Variants in HFM1 observed in about 807,000 individuals in gnomAD.
HFM1 encodes the protein helicase for meiosis 1, also known as probable ATP-dependent DNA helicase HFM1.
A neutral mutation model predicts 192.1 loss-of-function variants in HFM1; 169 were observed. The ratio of observed to expected loss-of-function variants is 0.88; its 90% CI spans 0.78 to 1.00. HFM1 has a LOEUF of 1.00. HFM1 is among the 50% of genes least tolerant of loss of function. The pLI is 0.00. For missense variants in HFM1, 1,661 were observed against 1,668.0 expected (o/e 1.00, Z 0.07); for synonymous variants, 525 against 537.8 (o/e 0.98, Z 0.33).
At chr1:91,311,182 T>G (rs1293801517) in intron 30 of HFM1, among the ~76,000 whole-genome samples, 1 of 152,128 alleles carries the variant, frequency 6.6e-6, no homozygotes, top group East Asian at 1.9e-4. Flanking sequence ...TCTTGTTACG[T>G]TTTAGCAAAG....
chr1:91,276,374 T>C (rs1003327163), intron 32 of HFM1, among the ~76,000 whole-genome samples: 2 of 152,212 alleles, frequency 1.3e-5, no homozygotes, highest in Non-Finnish European at 2.9e-5. Context: ...AATAAGACTG[T>C]CTTAATCGTC....
At chr1:91,318,219 C>G (rs1179403556) in intron 25 of HFM1, among the ~76,000 whole-genome samples, 1 of 152,148 alleles carries the variant, frequency 6.6e-6, no homozygotes, top group Non-Finnish European at 1.5e-5. Flanking sequence ...AGCCAATCCC[C>G]ACTTCACCCC....
intron 20 of HFM1, among the ~76,000 whole-genome samples, chr1:91,341,528 T>C (rs1345067011): frequency 6.6e-6 from 1 of 151,936 alleles, no homozygotes; most frequent in African/African-American, 2.4e-5. Context: ...CTAGAGGAAC[T>C]AGAAAAGCAA....
chr1:91,278,135 C>G (rs1395925249), intron 30 of HFM1, among the ~76,000 whole-genome samples: 1 of 150,926 alleles, frequency 6.6e-6, no homozygotes, highest in African/African-American at 2.4e-5. Flanking sequence ...TTTGATGGTA[C>G]TGCTGACAGA....
intron 30 of HFM1, among the ~76,000 whole-genome samples, chr1:91,294,582 C>A (rs184512724): frequency 3.9e-5 from 6 of 152,310 alleles, no homozygotes; most frequent in Admixed American, 1.3e-4. Flanking sequence ...TTGTCTATGG[C>A]TGCTTTTGGG....
chr1:91,395,535 T>C (rs1663554865), intron 3 of HFM1, among the ~76,000 whole-genome samples: 1 of 152,190 alleles, frequency 6.6e-6, no homozygotes, highest in Admixed American at 6.5e-5. Flanking sequence ...AGGGTCCCAC[T>C]ATGTTGCCCA....
chr1:91,336,242 T>C (rs112877493), intron 20 of HFM1, among the ~76,000 whole-genome samples: 1 of 144,054 alleles, frequency 6.9e-6, no homozygotes, highest in African/African-American at 2.6e-5. Context: ...CTCCCTCCCT[T>C]CCTTCCTCCC....
chr1:91,265,001 G>T (rs1665612338), intron 36 of HFM1, among the ~76,000 whole-genome samples: 1 of 152,058 alleles, frequency 6.6e-6, no homozygotes, highest in Non-Finnish European at 1.5e-5. Context: ...TTTCTGAAAT[G>T]TTTTAAAAAT....
Position 91,380,960 on chromosome 1 carries a change from GA to G in HFM1, c.824del (p.Phe275SerfsTer26). 1 of 1,459,286 alleles carries G rather than the reference GA, an allele frequency of 6.9e-7. No individual in the cohort carries two copies. The highest frequency in any genetic ancestry group is 1.2e-5 in the South Asian group (1 of 86,408). The allele number at this position is 1,459,286 out of a possible 1,614,324, so 90.4% of individuals were successfully genotyped here. A position where few individuals can be genotyped will look rare whatever the true frequency, so the allele number is the denominator to read the frequency against. The part of the protein sequence containing the change: ...TEIPAKFRSI[F>X]KEFPYFNYIQ... The stretch of plus-strand genomic sequence containing the variant: ...TATAGTTGAAATATGGAAATTCTTT[GA>G]AAATACTTCTAAATTTTGCCGCTTA... On this transcript the variant is annotated frameshift_variant, in exon 7 of 39. Coordinates refer to ENST00000370425, the MANE Select transcript of HFM1 (RefSeq NM_001017975.6). LOFTEE classifies it high-confidence loss of function.
At position 91,299,681 on chromosome 1, in the gene HFM1, A is replaced by C. The variant is rs200150154; in HGVS notation, c.3391+13668T>G. Among the ~76,000 whole-genome samples, 219 of 152,344 alleles carry C rather than the reference A, an allele frequency of 1.4e-3. 3 individuals are homozygous for C. The East Asian group carries it at 0.023, about 16-fold the overall frequency. ...AAACTGAACATCCTGCTCCTGAATG[A>C]CTACTGGGTACATAACGAAATGAAG... On this transcript the variant is annotated intron_variant, in intron 30 of 38. Coordinates refer to ENST00000370425, the MANE Select transcript of HFM1 (RefSeq NM_001017975.6).
At chr1:91,290,526 C>A (rs965295081) in intron 30 of HFM1, among the ~76,000 whole-genome samples, 5 of 152,074 alleles carry the variant, frequency 3.3e-5, no homozygotes, top group African/African-American at 1.2e-4. Flanking sequence ...ATGCACCCAA[C>A]ACAGGAGCAC....
Position 91,316,532 on chromosome 1 carries a change from A to G in HFM1, c.2813-56T>C, listed in dbSNP as rs557154188. 33 of 695,568 alleles carry G rather than the reference A, an allele frequency of 4.7e-5. No homozygotes were observed. The Admixed American group carries it at 5.5e-4, about 12-fold the overall frequency. The allele number at this position is 695,568 out of a possible 1,614,324, so 43.1% of individuals were successfully genotyped here. A position where few individuals can be genotyped will look rare whatever the true frequency, so the allele number is the denominator to read the frequency against. On this transcript the variant is annotated intron_variant, in intron 25 of 38. Coordinates refer to ENST00000370425, the MANE Select transcript of HFM1 (RefSeq NM_001017975.6). ...AAATAATGCACTTTAAATAAAACAT[A>G]TATTTAAATATTTAACAACTAAATT...
intron 30 of HFM1, among the ~76,000 whole-genome samples, chr1:91,281,207 A>G (rs917230537): frequency 2.6e-5 from 4 of 152,158 alleles, no homozygotes; most frequent in Non-Finnish European, 4.4e-5. Context: ...CAGAGAATAG[A>G]CTGATTTGAG....
chr1:91,338,960 G>C, intron 20 of HFM1: 1 of 455,836 alleles, frequency 2.2e-6, no homozygotes, highest in Admixed American at 2.3e-5. Context: ...TTAACCTCGA[G>C]GGGCCAGCAA....
chr1:91,373,054 G>A (rs1287431872), intron 13 of HFM1, among the ~76,000 whole-genome samples: 1 of 151,924 alleles, frequency 6.6e-6, no homozygotes, highest in African/African-American at 2.4e-5. Context: ...TTAAATGGAA[G>A]GAAAAGTGTC....
chr1:91,328,734 G>A (rs1049141801), intron 20 of HFM1: 3 of 1,609,184 alleles, frequency 1.9e-6, no homozygotes, highest in Non-Finnish European at 2.5e-6. Flanking sequence ...CAGGCTGCTG[G>A]GGCCGAGCAG....
At chr1:91,286,998 T>A (rs574449559) in intron 30 of HFM1, among the ~76,000 whole-genome samples, 1 of 151,916 alleles carries the variant, frequency 6.6e-6, no homozygotes, top group Non-Finnish European at 1.5e-5. Flanking sequence ...CGCACCTGGC[T>A]CAGAGGGTCC....
intron 13 of HFM1, among the ~76,000 whole-genome samples, chr1:91,364,000 A>G (rs1658892330): frequency 1.3e-5 from 2 of 152,172 alleles, no homozygotes; most frequent in African/African-American, 2.4e-5. Context: ...ACACATGGAC[A>G]TATGGAGGGG....
intron 35 of HFM1, among the ~76,000 whole-genome samples, chr1:91,266,747 T>C (rs1309367577): frequency 1.3e-5 from 2 of 152,158 alleles, no homozygotes; most frequent in African/African-American, 2.4e-5. Context: ...ACACATTGCC[T>C]ATTAACTTGC....
Sources: allele counts gnomAD v4.1 joint callset (sites outside exome capture counted in the v4.1 genomes callset), GRCh38; gene constraint gnomAD v4.1.1; transcripts MANE v1.5; gene names NCBI Gene and HGNC (gene_info 2026-07-23, HGNC 2026-07-21).